The following RAD51B variants were observed in gnomAD, a reference collection of about 807,000 sequenced individuals.
RAD51B encodes RAD51 paralog B.
In RAD51B, 38 loss-of-function variants were observed where a neutral mutation model predicts 42.2. That is an observed-to-expected ratio of 0.90 (90% CI 0.70 to 1.18). The LOEUF (loss-of-function observed/expected upper bound fraction) is 1.18. Ranked by LOEUF, RAD51B falls within the 50% of genes most tolerant of loss-of-function variation. RAD51B has a pLI of 0.00. For synonymous variants in RAD51B, 154 were observed against 145.2 expected (o/e 1.06, Z -0.43); for missense variants, 373 against 400.7 (o/e 0.93, Z 0.59).
At chr14:68,345,708 G>A (rs1264649761) in intron 8 of RAD51B, among the ~76,000 whole-genome samples, 4 of 151,572 alleles carry the variant, frequency 2.6e-5, no homozygotes, top group Non-Finnish European at 5.9e-5. Context: ...CCAGGCTGGA[G>A]TGCCTGGAGG....
downstream of RAD51B, among the ~76,000 whole-genome samples, chr14:68,599,092 G>T (rs111879068): frequency 0.012 from 1,887 of 152,262 alleles, 33 homozygotes; most frequent in African/African-American, 0.038. Flanking sequence ...TCCCTTTGCC[G>T]CTGCTTTATG....
At chr14:68,111,251 A>G (rs2077454950) in intron 7 of RAD51B, among the ~76,000 whole-genome samples, 1 of 152,072 alleles carries the variant, frequency 6.6e-6, no homozygotes, top group East Asian at 1.9e-4. Flanking sequence ...GAGAAAATGA[A>G]TTCTTCACAG....
chr14:67,898,325 C>G (rs2043492009), intron 7 of RAD51B, among the ~76,000 whole-genome samples: 1 of 152,124 alleles, frequency 6.6e-6, no homozygotes, highest in Admixed American at 6.6e-5. Context: ...ATAAGCCAGA[C>G]AGAGAAGAAC....
chr14:68,509,512 C>T (rs547299305), intron 10 of RAD51B, among the ~76,000 whole-genome samples: 3 of 152,336 alleles, frequency 2.0e-5, no homozygotes, highest in African/African-American at 4.8e-5. Flanking sequence ...GTGGGCATTC[C>T]TTCTTATTGT....
intron 7 of RAD51B, among the ~76,000 whole-genome samples, chr14:68,235,734 A>C (rs563018351): frequency 5.6e-5 from 8 of 143,944 alleles, no homozygotes; most frequent in Non-Finnish European, 1.2e-4. Context: ...AAAAAAAAAG[A>C]GCTGAGATCT....
intron 10 of RAD51B, among the ~76,000 whole-genome samples, chr14:68,572,493 T>G (rs1889756062): frequency 6.6e-6 from 1 of 152,228 alleles, no homozygotes; most frequent in Non-Finnish European, 1.5e-5. Flanking sequence ...GGCTGCTTGG[T>G]TTGCTCTCTT....
At chr14:68,507,200 A>G (rs61985769) in intron 10 of RAD51B, among the ~76,000 whole-genome samples, 14,620 of 152,162 alleles carry the variant, frequency 0.096, 773 homozygotes, top group Middle Eastern at 0.17. Context: ...GTAGAGCTCT[A>G]ATTTTAGAAT....
chr14:68,176,224 A>G (rs1004347331), intron 7 of RAD51B, among the ~76,000 whole-genome samples: 30 of 152,202 alleles, frequency 2.0e-4, no homozygotes, highest in African/African-American at 7.2e-4. Flanking sequence ...CATACCAAGT[A>G]ACACGTATCT....
chr14:68,106,211 A>G (rs1356357505), intron 7 of RAD51B, among the ~76,000 whole-genome samples: 1 of 151,960 alleles, frequency 6.6e-6, no homozygotes, highest in African/African-American at 2.4e-5. Flanking sequence ...ATAAGAACCC[A>G]GAAACTAGAT....
intron 4 of RAD51B, among the ~76,000 whole-genome samples, chr14:67,854,307 A>T (rs2041915281): frequency 6.6e-6 from 1 of 152,220 alleles, no homozygotes; most frequent in African/African-American, 2.4e-5. Context: ...CATAAGATAG[A>T]TGCTATTGTG....
At chr14:68,368,291 C>T (rs975196507) in intron 8 of RAD51B, among the ~76,000 whole-genome samples, 1 of 152,120 alleles carries the variant, frequency 6.6e-6, no homozygotes, top group Admixed American at 6.5e-5. Flanking sequence ...AAGTTAATTC[C>T]TCAGAATCCC....
At chr14:68,449,000 A>T (rs1296860933) in intron 9 of RAD51B, among the ~76,000 whole-genome samples, 1 of 152,224 alleles carries the variant, frequency 6.6e-6, no homozygotes, top group Non-Finnish European at 1.5e-5. Context: ...CACCATATAT[A>T]ATGTTATATA....
chr14:68,042,567 T>C (rs981944946), intron 7 of RAD51B, among the ~76,000 whole-genome samples: 1 of 151,930 alleles, frequency 6.6e-6, no homozygotes, highest in African/African-American at 2.4e-5. Flanking sequence ...AATTGAAGGG[T>C]TTTTTTTCCT....
chr14:68,342,489 G>A (rs969128447), intron 8 of RAD51B, among the ~76,000 whole-genome samples: 1 of 152,148 alleles, frequency 6.6e-6, no homozygotes, highest in Non-Finnish European at 1.5e-5. Context: ...ATAGAGGGAC[G>A]GGACAGGGGG....
intron 8 of RAD51B, among the ~76,000 whole-genome samples, chr14:68,296,727 A>G (rs1381423202): frequency 1.3e-5 from 2 of 152,184 alleles, no homozygotes; most frequent in African/African-American, 4.8e-5. Context: ...AGTAGCAGTT[A>G]CTTCATTATG....
intron 7 of RAD51B, among the ~76,000 whole-genome samples, chr14:68,086,401 T>TG (rs1476241251): frequency 6.6e-6 from 1 of 152,068 alleles, no homozygotes; most frequent in Non-Finnish European, 1.5e-5. Flanking sequence ...AGGCACAGGA[T>TG]GGGGGGCGTG....
intron 7 of RAD51B, among the ~76,000 whole-genome samples, chr14:68,178,591 G>C (rs995545729): frequency 6.6e-6 from 1 of 152,082 alleles, no homozygotes; most frequent in African/African-American, 2.4e-5. Flanking sequence ...TGAAGCCCAG[G>C]CCTTTCAATT....
intron 7 of RAD51B, among the ~76,000 whole-genome samples, chr14:68,088,410 TAGAG>T (rs2077034426): frequency 6.6e-6 from 1 of 152,142 alleles, no homozygotes; most frequent in Non-Finnish European, 1.5e-5. Flanking sequence ...GTTTTTTTAA[TAGAG>T]AGAGTTAGCT....
At chr14:68,197,846 G>C (rs533226806) in intron 7 of RAD51B, among the ~76,000 whole-genome samples, 4 of 151,898 alleles carry the variant, frequency 2.6e-5, no homozygotes, top group African/African-American at 9.7e-5. Context: ...TTTTATTGTT[G>C]GTTTTGGAAG....
Sources: gnomAD v4.1 joint callset for allele counts (sites outside exome capture counted in the v4.1 genomes callset) on GRCh38, gnomAD v4.1.1 for gene constraint, MANE v1.5 for transcripts, NCBI Gene and HGNC (gene_info 2026-07-23, HGNC 2026-07-21) for gene names.